The following ZC3H11A variants were observed in gnomAD, a reference collection of about 807,000 sequenced individuals.
ZC3H11A encodes the protein zinc finger CCCH-type containing 11A.
In ZC3H11A, 22 loss-of-function variants were observed where a neutral mutation model predicts 90.8. The observed-to-expected ratio is 0.24, with a 90% CI of 0.17 to 0.35. The LOEUF is 0.35. Among genes scored for constraint, ZC3H11A ranks in the 10% least tolerant of loss-of-function variants. The pLI, the probability that ZC3H11A is intolerant of heterozygous loss-of-function variation, is 1.00. For missense variants in ZC3H11A, 701 were observed against 964.9 expected (o/e 0.73, Z 3.62); for synonymous variants, 294 against 339.8 (o/e 0.87, Z 1.48).
At chr1:203,845,035 C>G (rs1687511010) in intron 12 of ZC3H11A, among the ~76,000 whole-genome samples, 1 of 152,086 alleles carries the variant, frequency 6.6e-6, no homozygotes, top group Non-Finnish European at 1.5e-5. Flanking sequence ...TGTCAGATCC[C>G]ACCGTTGCTT....
Position 203,852,629 on chromosome 1 carries a change from A to T in ZC3H11A, c.*230A>T. On this transcript the variant is annotated 3_prime_UTR_variant, in exon 18 of 18. Coordinates refer to ENST00000367210, the MANE Select transcript of ZC3H11A (RefSeq NM_001376342.1). ...TGCCATTGTTTATCATCTTTTGAGA[A>T]AAAAGTTCTGTCATACCCTTCTCTC... is the stretch of plus-strand genomic sequence containing the variant. 1.8e-6 allele frequency: 1 copy of T among 549,102 alleles called. No homozygotes were observed. The highest frequency in any genetic ancestry group is 2.1e-5 in the South Asian group (1 of 47,120). The allele number at this position is 549,102 out of a possible 1,614,324, so 34.0% of individuals were successfully genotyped here. A position where few individuals can be genotyped will look rare whatever the true frequency, so the allele number is the denominator to read the frequency against.
Position 203,801,918 on chromosome 1 carries a change from T to G in ZC3H11A, c.-1244T>G, listed in dbSNP as rs915550881. ...TTTACTAACTGGAGTAAATGTATAC[T>G]TACAAAGTCTTTAGCTGTAGCCATT... On this transcript the variant is annotated 5_prime_UTR_variant, in exon 2 of 18. Transcript: ENST00000367210. 1 of 152,602 alleles carries G rather than the reference T, an allele frequency of 6.6e-6. No individual in the cohort carries two copies. Among genetic ancestry groups the G allele is most frequent in the East Asian group, 1.9e-4 (1 of 5,202 alleles). The allele number at this position is 152,602 out of a possible 1,614,324, so 9.5% of individuals were successfully genotyped here.
chr1:203,815,276 G>A lies in ZC3H11A; in HGVS notation c.-145-1650G>A, dbSNP rs1345667208. On this transcript the variant is annotated intron_variant, in intron 2 of 17. Coordinates refer to ENST00000367210, the MANE Select transcript of ZC3H11A (RefSeq NM_001376342.1). ...GTTGCCCAAGCTGGAGTGCAGTGGCGCAATGTCAGCTCACTGCAACCTCTG... is the reference window on the plus strand; with the variant it reads ...GTTGCCCAAGCTGGAGTGCAGTGGCACAATGTCAGCTCACTGCAACCTCTG... Among the ~76,000 whole-genome samples, 7 of 130,384 alleles carry A rather than the reference G, an allele frequency of 5.4e-5. No homozygotes were observed. In the East Asian group the frequency reaches 1.3e-3, roughly 23 times the overall value. 85.5% of individuals were successfully genotyped at this position (130,384 alleles called of 152,430 possible).
intron 2 of ZC3H11A, among the ~76,000 whole-genome samples, chr1:203,811,180 C>A (rs929349774): frequency 1.3e-4 from 20 of 148,752 alleles, no homozygotes; most frequent in Non-Finnish European, 2.5e-4. Flanking sequence ...TGGTGGTGGG[C>A]ACCTGTAATT....
intron 1 of ZC3H11A, chr1:203,800,228 C>T: frequency 7.3e-7 from 1 of 1,361,402 alleles, no homozygotes. Flanking sequence ...CCCAGGTTGC[C>T]ATCCAGTATC....
chr1:203,835,518 T>A (rs1272949659), intron 10 of ZC3H11A: 3 of 159,704 alleles, frequency 1.9e-5, no homozygotes, highest in Non-Finnish European at 4.2e-5. Flanking sequence ...AGCAGTATTT[T>A]ATTTTTGTTT....
intron 9 of ZC3H11A, 34 bp from the exon 10 acceptor site, chr1:203,833,757 T>G (rs749246006): frequency 6.3e-7 from 1 of 1,591,494 alleles, no homozygotes; most frequent in South Asian, 1.1e-5. Context: ...AAAAATTGAC[T>G]AAGGATAGAG....
intron 3 of ZC3H11A, 129 bp downstream of exon 3, chr1:203,817,253 A>G (rs1676658014): frequency 6.3e-6 from 4 of 636,620 alleles, no homozygotes; most frequent in Admixed American, 7.3e-5. Flanking sequence ...ATTGGCTGTC[A>G]GTTTTTTAAA....
At chr1:203,809,337 G>A (rs532432080) in intron 2 of ZC3H11A, among the ~76,000 whole-genome samples, 114 of 151,662 alleles carry the variant, frequency 7.5e-4, no homozygotes, top group African/African-American at 2.5e-3. Flanking sequence ...TACCGTGCCC[G>A]GCTAATTTTT....
chr1:203,842,990 C>T (rs1686889013), intron 12 of ZC3H11A, among the ~76,000 whole-genome samples: 1 of 150,890 alleles, frequency 6.6e-6, no homozygotes. Context: ...TTTTACATCT[C>T]TATTTATGAA....
At position 203,828,295 on chromosome 1, in the gene ZC3H11A, A is replaced by G. The variant is rs201192124; in HGVS notation, c.175-4A>G. ...TGAAAGCAATGTGTTTTTCCCTCTT[A>G]CAGAAAAAACGCAGTGAAATTCCTT... On this transcript the variant is annotated splice_polypyrimidine_tract_variant and splice_region_variant and intron_variant, in intron 4 of 17. Coordinates refer to ENST00000367210, the MANE Select transcript of ZC3H11A (RefSeq NM_001376342.1). 1.9e-5 allele frequency: 31 copies of G among 1,613,982 alleles called. No individual in the cohort carries two copies. The African/African-American group carries it at 2.5e-4, about 13-fold the overall frequency.
intron 12 of ZC3H11A, 58 bp downstream of exon 12, chr1:203,840,432 G>A: frequency 6.5e-7 from 1 of 1,539,808 alleles, no homozygotes; most frequent in Non-Finnish European, 8.8e-7. Context: ...AAGAGCCTTT[G>A]CTTTTTCTCA....
At chr1:203,848,078 A>C (rs1025028025) in intron 13 of ZC3H11A, among the ~76,000 whole-genome samples, 1 of 151,668 alleles carries the variant, frequency 6.6e-6, no homozygotes, top group Admixed American at 6.6e-5. Flanking sequence ...CTGGTCTCAA[A>C]CTCCTCACCT....
chr1:203,800,076 G>T (rs1670080813), intron 1 of ZC3H11A: 2 of 1,535,936 alleles, frequency 1.3e-6, no homozygotes, highest in East Asian at 4.9e-5. Context: ...AGACAATGTT[G>T]CCCTTGGAAG....
At chr1:203,840,139 A>G (rs1051609494) in intron 11 of ZC3H11A, among the ~76,000 whole-genome samples, 167 bp from the exon 12 acceptor site, 1 of 151,734 alleles carries the variant, frequency 6.6e-6, no homozygotes. Context: ...GGGTTTCACC[A>G]TGTTGGCCAG....
chr1:203,831,838 T>C (rs1572190970), intron 9 of ZC3H11A, 67 bp downstream of exon 9: 2 of 1,286,004 alleles, frequency 1.6e-6, no homozygotes, highest in East Asian at 4.9e-5. Flanking sequence ...TGCAAAATCC[T>C]TGGGTATCTT....
At chr1:203,799,133 C>A in intron 1 of ZC3H11A, 1 of 1,505,202 alleles carries the variant, frequency 6.6e-7, no homozygotes, top group Non-Finnish European at 8.9e-7. Context: ...GTTTGATAAC[C>A]AATATTTTAC....
At chr1:203,813,974 T>G (rs1359648752) in intron 2 of ZC3H11A, among the ~76,000 whole-genome samples, 3 of 150,826 alleles carry the variant, frequency 2.0e-5, no homozygotes, top group African/African-American at 7.3e-5. Flanking sequence ...CATTCTTGTT[T>G]TTTTTTTTTG....
At chr1:203,805,737 C>T in intron 2 of ZC3H11A, 1 of 667,676 alleles carries the variant, frequency 1.5e-6, no homozygotes, top group Non-Finnish European at 2.9e-6. Flanking sequence ...CTAAATAGAA[C>T]TCTTGGTCAG....
Sources: gnomAD v4.1 joint callset for allele counts (sites outside exome capture counted in the v4.1 genomes callset) on GRCh38, gnomAD v4.1.1 for gene constraint, MANE v1.5 for transcripts, NCBI Gene and HGNC (gene_info 2026-07-23, HGNC 2026-07-21) for gene names.